Variants in DGKI observed in about 807,000 individuals in gnomAD.
The protein encoded by DGKI is DAG kinase iota.
Under a neutral mutation model 147.5 loss-of-function variants are expected in DGKI, and 55 were observed. That is an observed-to-expected ratio of 0.37 (90% CI 0.30 to 0.47). The LOEUF (loss-of-function observed/expected upper bound fraction) is 0.47. DGKI is among the 20% of genes least tolerant of loss of function. DGKI has a pLI of 1.00. For missense variants in DGKI, 1,007 were observed against 1,323.8 expected (o/e 0.76, Z 3.71); for synonymous variants, 469 against 477.1 (o/e 0.98, Z 0.22).
At chr7:137,751,888 T>C (rs1795499215) in intron 1 of DGKI, among the ~76,000 whole-genome samples, 1 of 152,176 alleles carries the variant, frequency 6.6e-6, no homozygotes, top group South Asian at 2.1e-4. Flanking sequence ...AAAGCAAGCA[T>C]AAGATGATAT....
chr7:137,424,156 T>C (rs1421998027), intron 28 of DGKI, among the ~76,000 whole-genome samples: 1 of 152,230 alleles, frequency 6.6e-6, no homozygotes, highest in African/African-American at 2.4e-5. Context: ...TTTCACTATA[T>C]CATGCTAAAT....
chr7:137,571,352 T>C (rs1029268900), intron 18 of DGKI, 66 bp from the exon 19 acceptor site: 56 of 1,107,098 alleles, frequency 5.1e-5, no homozygotes, highest in Non-Finnish European at 7.2e-5. Context: ...CATGAGGTGT[T>C]AGTTTGTAGT....
At chr7:137,844,494 A>C (rs1217228157) in intron 1 of DGKI, among the ~76,000 whole-genome samples, 1 of 152,220 alleles carries the variant, frequency 6.6e-6, no homozygotes, top group Non-Finnish European at 1.5e-5. Flanking sequence ...GGTGGTGAGC[A>C]CTTTTAACCA....
intron 30 of DGKI, among the ~76,000 whole-genome samples, chr7:137,405,289 A>T: frequency 6.6e-6 from 1 of 152,006 alleles, no homozygotes; most frequent in East Asian, 1.9e-4. Flanking sequence ...TCAGCTGCCC[A>T]GGCTGGAGTG....
At chr7:137,767,865 C>T (rs1406237734) in intron 1 of DGKI, among the ~76,000 whole-genome samples, 2 of 152,066 alleles carry the variant, frequency 1.3e-5, no homozygotes, top group African/African-American at 2.4e-5. Flanking sequence ...TAAAGCTCTT[C>T]GACAGTGTCT....
intron 12 of DGKI, among the ~76,000 whole-genome samples, chr7:137,597,571 A>G (rs1452399552): frequency 2.0e-5 from 3 of 152,174 alleles, no homozygotes; most frequent in Admixed American, 6.5e-5. Flanking sequence ...TCTATCTATA[A>G]TCTTCATTTT....
At position 137,589,042 on chromosome 7, in the gene DGKI, C is replaced by T. The variant is rs187616395; in HGVS notation, c.1312-1832G>A. Reference sequence around the variant, plus strand: ...GTATAGGGAACCCTTAAATAAAGAACTCAACCCCCTTCTGGATATGGCCAG... The same window carrying T: ...GTATAGGGAACCCTTAAATAAAGAATTCAACCCCCTTCTGGATATGGCCAG... On this transcript the variant is annotated intron_variant, in intron 12 of 32. Coordinates refer to ENST00000614521, the MANE Select transcript of DGKI (RefSeq NM_001321708.2). Among the ~76,000 whole-genome samples the T allele has an allele frequency of 1.2e-4, 18 of 152,276 alleles. No homozygotes were observed. In the East Asian group the frequency reaches 3.3e-3, roughly 28 times the overall value.
intron 15 of DGKI, 141 bp downstream of exon 15, chr7:137,581,709 C>T: frequency 1.5e-6 from 1 of 679,272 alleles, no homozygotes; most frequent in Middle Eastern, 3.8e-4. Flanking sequence ...TGTCTAGCTC[C>T]CAGAGTCATC....
At chr7:137,688,928 G>C (rs539307812) in intron 2 of DGKI, among the ~76,000 whole-genome samples, 8 of 152,254 alleles carry the variant, frequency 5.3e-5, no homozygotes, top group African/African-American at 1.9e-4. Context: ...CCAGTCTTTT[G>C]CCAGGCACTT....
chr7:137,519,923 C>T (rs28521198), intron 21 of DGKI, among the ~76,000 whole-genome samples: 6,244 of 152,090 alleles, frequency 0.041, 291 homozygotes, highest in African/African-American at 0.11. Context: ...CTCCTTTATC[C>T]CCTTTTAGAG....
chr7:137,400,563 C>T (rs1222070342), intron 30 of DGKI, among the ~76,000 whole-genome samples: 1 of 152,130 alleles, frequency 6.6e-6, no homozygotes, highest in African/African-American at 2.4e-5. Context: ...AGCTGTTCTT[C>T]ACAATTTCTG....
intron 21 of DGKI, among the ~76,000 whole-genome samples, chr7:137,495,414 A>G (rs898335830): frequency 4.6e-5 from 7 of 150,932 alleles, no homozygotes; most frequent in South Asian, 4.2e-4. Context: ...CAAAAAAAAA[A>G]AAAGAAAGAA....
intron 22 of DGKI, 45 bp downstream of exon 22, chr7:137,487,565 A>T (rs1815608995): frequency 6.6e-7 from 1 of 1,524,274 alleles, no homozygotes; most frequent in Admixed American, 1.7e-5. Flanking sequence ...TTGTTTACAA[A>T]AATGGAAAGT....
At chr7:137,615,531 A>ATGTG (rs5887846) in intron 8 of DGKI, among the ~76,000 whole-genome samples, 1,763 of 135,840 alleles carry the variant, frequency 0.013, 22 homozygotes, top group African/African-American at 0.023. Flanking sequence ...ATATGTATGT[A>ATGTG]TGTGTGTGTG....
chr7:137,678,772 A>C, intron 2 of DGKI, 120 bp from the exon 3 acceptor site: 87 of 837,280 alleles, frequency 1.0e-4, no homozygotes, highest in Middle Eastern at 4.8e-4. Context: ...AACATTTCTC[A>C]TTTGACCACT....
intron 5 of DGKI, among the ~76,000 whole-genome samples, chr7:137,647,748 C>A (rs1003975177): frequency 3.9e-5 from 6 of 152,192 alleles, no homozygotes; most frequent in African/African-American, 1.4e-4. Flanking sequence ...TCTGCCTACT[C>A]AACCGATAAG....
Position 137,419,903 on chromosome 7 carries a change from T to C in DGKI, c.2762-7696A>G, listed in dbSNP as rs1812498065. ...TTATTCTTCTAATGACATGCAACTC[T>C]GTATCAACTATCTATTATTGCATGG... On this transcript the variant is annotated intron_variant, in intron 28 of 32. Coordinates refer to ENST00000614521, the MANE Select transcript of DGKI (RefSeq NM_001321708.2). Among the ~76,000 whole-genome samples, 6 of 152,244 alleles carry C rather than the reference T, an allele frequency of 3.9e-5. No individual in the cohort carries two copies. In the South Asian group the frequency reaches 1.2e-3, roughly 31 times the overall value.
At chr7:137,791,757 C>T (rs1178831356) in intron 1 of DGKI, among the ~76,000 whole-genome samples, 1 of 152,176 alleles carries the variant, frequency 6.6e-6, no homozygotes, top group Non-Finnish European at 1.5e-5. Flanking sequence ...AAGTTCCTGA[C>T]ATTTGCTTCA....
chr7:137,442,504 C>G (rs1483897463), intron 28 of DGKI, among the ~76,000 whole-genome samples: 1 of 152,122 alleles, frequency 6.6e-6, no homozygotes, highest in Non-Finnish European at 1.5e-5. Context: ...AAACCAAACA[C>G]AAGCTTCTAG....
Sources: allele counts gnomAD v4.1 joint callset (sites outside exome capture counted in the v4.1 genomes callset), GRCh38; gene constraint gnomAD v4.1.1; transcripts MANE v1.5; gene names NCBI Gene and HGNC (gene_info 2026-07-23, HGNC 2026-07-21).